Variants in SMTNL1 observed in about 807,000 individuals in gnomAD.
The protein encoded by SMTNL1 is smoothelin-like protein 1.
Under a neutral mutation model 46.6 loss-of-function variants are expected in SMTNL1, and 41 were observed. That is an observed-to-expected ratio of 0.88 (90% CI 0.69 to 1.14). The LOEUF is 1.14. SMTNL1 is among the 50% of genes most tolerant of loss of function. The pLI, the probability that SMTNL1 is intolerant of heterozygous loss-of-function variation, is 0.00. For synonymous variants in SMTNL1, 234 were observed against 234.2 expected, an observed-to-expected ratio of 1.00 and a Z score of 0.01; for missense variants, 591 against 626.1, an observed-to-expected ratio of 0.94 and a Z score of 0.60.
intron 7 of SMTNL1, among the ~76,000 whole-genome samples, chr11:57,546,993 G>T (rs2135266921): frequency 6.6e-6 from 1 of 152,208 alleles, no homozygotes; most frequent in South Asian, 2.1e-4. Context: ...AATTAGCTGG[G>T]TATGGTGGTG....
intron 1 of SMTNL1, among the ~76,000 whole-genome samples, 194 bp downstream of exon 1, chr11:57,537,836 G>A (rs970722057): frequency 6.6e-6 from 1 of 152,174 alleles, no homozygotes; most frequent in African/African-American, 2.4e-5. Context: ...AGCACCTACA[G>A]AGCAGACTGC....
chr11:57,546,253 C>A lies in SMTNL1; in HGVS notation c.1094C>A (p.Ala365Asp). ...CACAGGGCAGCTTCCGGCCCCACGG[C>A]CTTGTTCCGCAACACTAAGGCAGCC... Reference protein sequence around the residue: ...KFGGAASGPTALFRNTKAAGA... With the variant: ...KFGGAASGPTDLFRNTKAAGA... The change falls in exon 6 of 8, where the codon GCC (alanine) becomes GAC (aspartate). Residue 365 changes from alanine (A) to aspartate (D), a missense_variant. Coordinates refer to ENST00000527972, the MANE Select transcript of SMTNL1 (RefSeq NM_001105565.3). 6.2e-7 allele frequency: 1 copy of A among 1,607,084 alleles called. No homozygotes were observed. The highest frequency in any genetic ancestry group is 2.2e-5 in the East Asian group (1 of 44,574).
intron 1 of SMTNL1, among the ~76,000 whole-genome samples, 160 bp downstream of exon 1, chr11:57,537,802 C>T (rs991114795): frequency 6.6e-6 from 1 of 152,230 alleles, no homozygotes; most frequent in Admixed American, 6.5e-5. Flanking sequence ...TCTTTAGATG[C>T]CTGGGGTCTC....
chr11:57,546,160 G>T, intron 5 of SMTNL1, 73 bp from the exon 6 acceptor site: 1 of 1,508,816 alleles, frequency 6.6e-7, no homozygotes, highest in African/African-American at 1.4e-5. Flanking sequence ...CTGGGGGCTG[G>T]GGATCCTCCC....
At position 57,549,970 on chromosome 11, in the gene SMTNL1, A is replaced by C. The variant is rs1305239905; in HGVS notation, c.1343A>C (p.Lys448Thr). The change falls in exon 8 of 8, where the codon AAA becomes ACA. Residue 448 changes from lysine to threonine, a missense_variant and splice_region_variant. Lys to Thr is a moderately conservative substitution (Grantham distance 78). Transcript: ENST00000527972. ...CCTCATTCCACCCCATTCCTTAGGA[A>C]ACTGGCTGACTGTGCTCAGCTGCTG... ...NFTLAFSTAE[K>T]LADCAQLLDV... 6.2e-7 allele frequency: 1 copy of C among 1,613,828 alleles called. No individual in the cohort carries two copies. Among genetic ancestry groups the C allele is most frequent in the African/African-American group, 1.3e-5 (1 of 74,938 alleles).
rs751645370 is a variant in SMTNL1, at chr11:57,543,359, G to A, written c.717G>A (p.Glu239=). 2.5e-6 allele frequency: 4 copies of A among 1,613,584 alleles called. No homozygotes were observed. The highest frequency in any genetic ancestry group is 3.4e-6 in the Non-Finnish European group (4 of 1,179,710). ...AGGCTGATGCAAAAGAGGAGGCGGAGGATGCAGAGGAGGCAGTGAGTGAGG... is the reference window on the plus strand; with the variant it reads ...AGGCTGATGCAAAAGAGGAGGCGGAAGATGCAGAGGAGGCAGTGAGTGAGG... ...KEEADAKEEA[E]DAEEAEPGSP... The change falls in exon 2 of 8, where the codon GAG becomes GAA. Residue 239 remains glutamate, a synonymous_variant. Transcript: ENST00000527972.
chr11:57,544,872 T>C (rs1464650280), intron 4 of SMTNL1, among the ~76,000 whole-genome samples: 1 of 150,564 alleles, frequency 6.6e-6, no homozygotes, highest in Non-Finnish European at 1.5e-5. Flanking sequence ...AGTCTTGATC[T>C]GTCGCCCAGG....
At position 57,550,235 on chromosome 11, in the gene SMTNL1, T is replaced by C. The variant is rs1944948007; in HGVS notation, c.*123T>C. On this transcript the variant is annotated 3_prime_UTR_variant, in exon 8 of 8. Coordinates refer to ENST00000527972, the MANE Select transcript of SMTNL1 (RefSeq NM_001105565.3). ...GGGGCTTAGGCAAGGGTGTGTGGCGTTGGTTTTAACTGCATTAAAAGTACT... is the reference window on the plus strand; with the variant it reads ...GGGGCTTAGGCAAGGGTGTGTGGCGCTGGTTTTAACTGCATTAAAAGTACT... 2.7e-5 allele frequency: 30 copies of C among 1,095,848 alleles called. No homozygotes were observed. The highest frequency in any genetic ancestry group is 4.4e-4 in the Middle Eastern group (2 of 4,532). The allele number at this position is 1,095,848 out of a possible 1,614,324, so 67.9% of individuals were successfully genotyped here. A position where few individuals can be genotyped will look rare whatever the true frequency, so the allele number is the denominator to read the frequency against.
intron 1 of SMTNL1, among the ~76,000 whole-genome samples, chr11:57,540,782 C>T (rs1313019047): frequency 1.3e-5 from 2 of 151,678 alleles, no homozygotes; most frequent in Admixed American, 6.6e-5. Context: ...GCGATCTCGG[C>T]TCACTGCAAC....
rs79460469 is a variant in SMTNL1, at chr11:57,538,101, C to T, written c.-3+459C>T. 8.0e-3 allele frequency among the ~76,000 whole-genome samples: 1,216 copies of T among 151,862 alleles called. 12 individuals are homozygous for T. The highest frequency in any genetic ancestry group is 0.014 in the South Asian group (66 of 4,824). ...TAGTGTTAACGTATTTTACATGTGG[C>T]CCAAGACACTTCTACTTCTACCAGT... On this transcript the variant is annotated intron_variant, in intron 1 of 7. Transcript: ENST00000527972.
chr11:57,544,131 G>A (rs144700352), intron 4 of SMTNL1, among the ~76,000 whole-genome samples: 1,804 of 152,340 alleles, frequency 0.012, 35 homozygotes, highest in African/African-American at 0.041. Context: ...TGTAATCCCG[G>A]CACTCTTGGA....
chr11:57,542,428 G>A (rs1452310054), intron 1 of SMTNL1, among the ~76,000 whole-genome samples: 1 of 152,258 alleles, frequency 6.6e-6, no homozygotes, highest in African/African-American at 2.4e-5. Flanking sequence ...AGGGGCATCA[G>A]GTGAACACCA....
chr11:57,548,642 C>T (rs772040384), intron 7 of SMTNL1, among the ~76,000 whole-genome samples: 16 of 152,070 alleles, frequency 1.1e-4, no homozygotes, highest in Non-Finnish European at 2.2e-4. Context: ...TGCATTCCAG[C>T]CTGGGCAACA....
In SMTNL1 at chr11:57,543,014, G is replaced by A; in HGVS notation, c.372G>A (p.Glu124=). 1 of 1,602,854 alleles carries A rather than the reference G, an allele frequency of 6.2e-7. No individual in the cohort carries two copies. Among genetic ancestry groups the A allele is most frequent in the Non-Finnish European group, 8.5e-7 (1 of 1,174,678 alleles). ...AAGAGACCAAATCTGAACCCAAAGA[G>A]GCTGAGGAAAAGGAGAGCACGCTGG... ...RKEETKSEPK[E]AEEKESTLAS... Residue 124 remains glutamate, a synonymous_variant, in exon 2 of 8, where the codon GAG becomes GAA. Transcript: ENST00000527972.
chr11:57,538,030 AT>A lies in SMTNL1; in HGVS notation c.-3+402del, dbSNP rs36094958. The stretch of plus-strand genomic sequence containing the variant: ...ATAAACTTTCTTAAAACATTATGAG[AT>A]TTTTTTTTTTTTTGCAATTTTTGTT... On this transcript the variant is annotated intron_variant, in intron 1 of 7. Transcript: ENST00000527972. Among the ~76,000 whole-genome samples, 1,137 of 147,484 alleles carry A rather than the reference AT, an allele frequency of 7.7e-3. 16 individuals carry two copies. The highest frequency in any genetic ancestry group is 0.025 in the African/African-American group (986 of 40,146).
chr11:57,545,247 AT>A (rs1296886562), intron 4 of SMTNL1, among the ~76,000 whole-genome samples: 11 of 152,244 alleles, frequency 7.2e-5, no homozygotes, highest in Admixed American at 2.6e-4. Context: ...TCTTGTCCTC[AT>A]TTTACAGATG....
chr11:57,540,968 C>T (rs559001527), intron 1 of SMTNL1, among the ~76,000 whole-genome samples: 5 of 152,266 alleles, frequency 3.3e-5, no homozygotes, highest in Admixed American at 3.3e-4. Context: ...TACGGGCTCC[C>T]AAAGTGCTGG....
At chr11:57,549,262 G>C (rs957286771) in intron 7 of SMTNL1, among the ~76,000 whole-genome samples, 15 of 152,112 alleles carry the variant, frequency 9.9e-5, no homozygotes, top group African/African-American at 3.6e-4. Flanking sequence ...CTGACCTCAG[G>C]TGATCCAGCT....
intron 4 of SMTNL1, among the ~76,000 whole-genome samples, chr11:57,545,541 G>A (rs1422729202): frequency 2.7e-5 from 4 of 150,926 alleles, no homozygotes; most frequent in Admixed American, 6.6e-5. Flanking sequence ...GGAGGTGGAG[G>A]TTGCAATGAG....
Sources: allele counts gnomAD v4.1 joint callset (sites outside exome capture counted in the v4.1 genomes callset), GRCh38; gene constraint gnomAD v4.1.1; transcripts MANE v1.5; gene names NCBI Gene and HGNC (gene_info 2026-07-23, HGNC 2026-07-21).